The following CDHR3 variants were observed in gnomAD, a reference collection of about 807,000 sequenced individuals.
CDHR3 encodes the protein cadherin related family member 3.
Under a neutral mutation model 86.6 loss-of-function variants are expected in CDHR3, and 79 were observed. The observed-to-expected ratio is 0.91, with a 90% CI of 0.76 to 1.10. CDHR3 has a LOEUF of 1.10. Ranked by LOEUF, CDHR3 falls within the 50% of genes least tolerant of loss-of-function variation. The pLI, the probability that CDHR3 is intolerant of heterozygous loss-of-function variation, is 0.00. For missense variants in CDHR3, 1,081 were observed against 1,077.6 expected (o/e 1.00, Z -0.04); for synonymous variants, 421 against 402.4 (o/e 1.05, Z -0.55).
chr7:106,028,341 T>TTGTG (rs148933702), intron 16 of CDHR3: 7 of 605,630 alleles, frequency 1.2e-5, no homozygotes, highest in Non-Finnish European at 2.1e-5. Flanking sequence ...TCGTATGTTA[T>TTGTG]TGTGTGTGTG....
At chr7:106,019,239 C>T (rs752327317) in intron 12 of CDHR3, among the ~76,000 whole-genome samples, 12 of 151,972 alleles carry the variant, frequency 7.9e-5, no homozygotes, top group South Asian at 2.1e-4. Flanking sequence ...ATCTCTTAAA[C>T]GGAGAGTCAC....
At chr7:105,983,721 T>A (rs1363698129) in intron 3 of CDHR3, among the ~76,000 whole-genome samples, 1 of 152,218 alleles carries the variant, frequency 6.6e-6, no homozygotes, top group African/African-American at 2.4e-5. Context: ...TCTATTTATC[T>A]CTGTTCCACT....
At chr7:106,013,364 C>T (rs1355194318) in intron 9 of CDHR3, among the ~76,000 whole-genome samples, 22 of 152,118 alleles carry the variant, frequency 1.4e-4, no homozygotes, top group Admixed American at 1.4e-3. Flanking sequence ...TGCTCATTCC[C>T]GGCCCATAGA....
At chr7:105,985,927 T>C (rs1424545083) in intron 4 of CDHR3, among the ~76,000 whole-genome samples, 4 of 152,228 alleles carry the variant, frequency 2.6e-5, no homozygotes, top group Non-Finnish European at 4.4e-5. Context: ...TCAGCACTGG[T>C]GCATCTGCTA....
At chr7:105,993,539 G>T (rs1477280567) in intron 4 of CDHR3, among the ~76,000 whole-genome samples, 2 of 151,804 alleles carry the variant, frequency 1.3e-5, no homozygotes, top group Non-Finnish European at 2.9e-5. Flanking sequence ...AGCCAGGTGT[G>T]GTGGCACACA....
At chr7:106,031,560 AGGCTGCCGCC>A (rs1838368091) in intron 18 of CDHR3, among the ~76,000 whole-genome samples, 1 of 152,230 alleles carries the variant, frequency 6.6e-6, no homozygotes, top group South Asian at 2.1e-4. Flanking sequence ...CTCCAGTGAG[AGGCTGCCGCC>A]GCCGCTGCTG....
intron 8 of CDHR3, among the ~76,000 whole-genome samples, chr7:106,009,674 G>T (rs951080508): frequency 6.6e-6 from 1 of 152,138 alleles, no homozygotes; most frequent in Non-Finnish European, 1.5e-5. Context: ...TGCTGCCCGC[G>T]CGGGCTCCTG....
At chr7:105,979,353 T>C (rs1340138922) in intron 2 of CDHR3, among the ~76,000 whole-genome samples, 2 of 152,150 alleles carry the variant, frequency 1.3e-5, no homozygotes, top group South Asian at 2.1e-4. Context: ...TGTTCACCAG[T>C]AGACACAAGA....
At chr7:106,028,299 G>A in intron 16 of CDHR3, 1 of 499,144 alleles carries the variant, frequency 2.0e-6, no homozygotes, top group Non-Finnish European at 3.6e-6. Context: ...CTGATAATAA[G>A]CTAGAAAAAG....
intron 1 of CDHR3, among the ~76,000 whole-genome samples, chr7:105,969,020 G>A (rs1318651919): frequency 2.0e-5 from 3 of 151,060 alleles, no homozygotes; most frequent in South Asian, 2.1e-4. Flanking sequence ...CCCGGGAGGC[G>A]GAGCTTGCAG....
At chr7:106,015,054 A>G in intron 9 of CDHR3, 57 bp from the exon 10 acceptor site, 5 of 1,385,498 alleles carry the variant, frequency 3.6e-6, no homozygotes, top group Non-Finnish European at 5.0e-6. Flanking sequence ...TGTCTCTCGC[A>G]GCCCAATAAA....
At chr7:105,979,504 C>G (rs1829326480) in intron 2 of CDHR3, among the ~76,000 whole-genome samples, 1 of 152,208 alleles carries the variant, frequency 6.6e-6, no homozygotes, top group Non-Finnish European at 1.5e-5. Flanking sequence ...CTCTACGAAG[C>G]CTTCCCCAGC....
intron 4 of CDHR3, among the ~76,000 whole-genome samples, chr7:105,986,237 CTGA>C (rs1462542326): frequency 6.6e-6 from 1 of 152,234 alleles, no homozygotes; most frequent in Non-Finnish European, 1.5e-5. Context: ...CTTTTGCTTA[CTGA>C]TGACCAGGGA....
At chr7:106,008,172 C>G (rs891141793) in intron 8 of CDHR3, among the ~76,000 whole-genome samples, 2 of 152,136 alleles carry the variant, frequency 1.3e-5, no homozygotes, top group Non-Finnish European at 2.9e-5. Context: ...TGTGGGAGTT[C>G]AAGATGAGAT....
chr7:106,026,408 G>A (rs1194004372), intron 15 of CDHR3, among the ~76,000 whole-genome samples: 2 of 152,184 alleles, frequency 1.3e-5, no homozygotes, highest in Admixed American at 1.3e-4. Context: ...TTTCTCATCA[G>A]AAACAATGTA....
chr7:105,993,514 A>T (rs908939681), intron 4 of CDHR3, among the ~76,000 whole-genome samples: 3 of 151,764 alleles, frequency 2.0e-5, no homozygotes, highest in Admixed American at 6.6e-5. Flanking sequence ...TACAAAAAAA[A>T]ATATAAAAAA....
chr7:106,008,296 C>G (rs1310167716), intron 8 of CDHR3, among the ~76,000 whole-genome samples: 3 of 152,156 alleles, frequency 2.0e-5, no homozygotes, highest in Admixed American at 6.5e-5. Flanking sequence ...GTCAGGCTCT[C>G]TCTTTGTGAG....
chr7:106,024,551 C>A lies in CDHR3; in HGVS notation c.2247C>A (p.Asn749Lys), dbSNP rs1295872616. 1.2e-6 allele frequency: 2 copies of A among 1,613,992 alleles called. No individual in the cohort carries two copies. Among genetic ancestry groups the A allele is most frequent in the East Asian group, 2.2e-5 (1 of 44,876 alleles). ...HRHCPCKTGK[N>K]KEPLTKKGET... ...ACTGCCCCTGCAAGACTGGGAAGAA[C>A]AAGGAACCTCTGTAAGTTGCCAGTG... The change falls in exon 15 of 19, where the codon AAC (asparagine) becomes AAA (lysine). Residue 749 changes from asparagine (N) to lysine (K), a missense_variant. Physicochemically the swap from Asn to Lys is moderately conservative, Grantham distance 94. Coordinates refer to ENST00000317716, the MANE Select transcript of CDHR3 (RefSeq NM_152750.5).
intron 7 of CDHR3, among the ~76,000 whole-genome samples, chr7:106,002,349 T>G (rs1034640720): frequency 4.6e-5 from 7 of 152,212 alleles, no homozygotes; most frequent in African/African-American, 1.7e-4. Flanking sequence ...ATGCTCAGTT[T>G]GATGAAGTGA....
Sources: allele counts gnomAD v4.1 joint callset (sites outside exome capture counted in the v4.1 genomes callset), GRCh38; gene constraint gnomAD v4.1.1; transcripts MANE v1.5; gene names NCBI Gene and HGNC (gene_info 2026-07-23, HGNC 2026-07-21).